Variants in KDM5A observed in about 807,000 individuals in gnomAD.
KDM5A encodes lysine-specific demethylase 5A.
KDM5A carries 42 observed loss-of-function variants against 193.5 expected under a neutral mutation model. The observed-to-expected ratio is 0.22, with a 90% CI of 0.17 to 0.28. KDM5A has a LOEUF of 0.28. Ranked by LOEUF, KDM5A falls within the 10% of genes least tolerant of loss-of-function variation. The pLI is 1.00. For synonymous variants in KDM5A, 796 were observed against 718.1 expected (o/e 1.11, Z -1.73); for missense variants, 1,692 against 2,055.1 (o/e 0.82, Z 3.42).
Position 282,021 on chromosome 12 carries a change from T to C in KDM5A, c.*3435A>G, listed in dbSNP as rs563457185. 174 of 301,792 alleles carry C rather than the reference T, an allele frequency of 5.8e-4. 1 individual carries two copies. The Admixed American group carries it at 8.0e-3, about 14-fold the overall frequency. The allele number at this position is 301,792 out of a possible 1,614,324, so 18.7% of individuals were successfully genotyped here. ...CAGAAGCAAAGCCCAGGCAGAACCA[T>C]GCTAACCTTACAGCTCAGCCTGCAC... On this transcript the variant is annotated 3_prime_UTR_variant, in exon 28 of 28. Transcript: ENST00000399788.
chr12:314,477 G>A (rs1477592168), intron 19 of KDM5A, among the ~76,000 whole-genome samples: 1 of 152,130 alleles, frequency 6.6e-6, no homozygotes, highest in Non-Finnish European at 1.5e-5. Flanking sequence ...TTACAGGCGT[G>A]AGCCACTGTG....
rs187633461 is a variant in KDM5A at position 329,582 on chromosome 12, A to C, written c.1774-553T>G. 3.9e-3 allele frequency among the ~76,000 whole-genome samples: 590 copies of C among 152,230 alleles called. 3 individuals are homozygous for C. The highest frequency in any genetic ancestry group is 6.1e-3 in the Non-Finnish European group (418 of 67,994). On this transcript the variant is annotated intron_variant, in intron 13 of 27. Coordinates refer to ENST00000399788, the MANE Select transcript of KDM5A (RefSeq NM_001042603.3). The stretch of plus-strand genomic sequence containing the variant: ...GTTTTTTTTGCAAAAACCAAAACAA[A>C]GGACAATTTAGATTTTAGCATCTAG...
intron 20 of KDM5A, among the ~76,000 whole-genome samples, chr12:311,734 T>C (rs1943588440): frequency 6.7e-6 from 1 of 148,238 alleles, no homozygotes; most frequent in East Asian, 2.1e-4. Flanking sequence ...GAAAAGAAAG[T>C]AAAAGAGAAG....
At chr12:331,676 T>TA (rs1943868292) in intron 13 of KDM5A, 143 bp downstream of exon 13, 2 of 807,256 alleles carry the variant, frequency 2.5e-6, no homozygotes, top group East Asian at 5.0e-5. Context: ...CTTAGCTTTC[T>TA]AAACTACAAT....
intron 10 of KDM5A, among the ~76,000 whole-genome samples, chr12:344,105 A>G (rs1047675685): frequency 6.6e-6 from 1 of 152,234 alleles, no homozygotes; most frequent in Non-Finnish European, 1.5e-5. Flanking sequence ...TGGGACGAGA[A>G]CTTCATTACA....
At chr12:305,563 T>C (rs1943493617) in intron 24 of KDM5A, among the ~76,000 whole-genome samples, 2 of 152,214 alleles carry the variant, frequency 1.3e-5, no homozygotes, top group South Asian at 4.1e-4. Context: ...AGCAGCCTTT[T>C]GTATCAGAGT....
rs74055611 is a variant in KDM5A, at chr12:280,618, G to A, written c.*4838C>T. The A allele has an allele frequency of 0.029, 6,822 of 233,048 alleles. 418 individuals are homozygous for A. The highest frequency in any genetic ancestry group is 0.13 in the African/African-American group (6,070 of 45,384). 14.4% of individuals were successfully genotyped at this position (233,048 alleles called of 1,614,324 possible). ...TGGGATCCTTGGCAATGGGGAAAAG[G>A]TGCCATTTGCTTCTCTGAAGTAACT... On this transcript the variant is annotated 3_prime_UTR_variant, in exon 28 of 28. Transcript: ENST00000399788.
chr12:300,069 C>T (rs1463831798), intron 24 of KDM5A, among the ~76,000 whole-genome samples: 1 of 152,018 alleles, frequency 6.6e-6, no homozygotes, highest in Non-Finnish European at 1.5e-5. Context: ...GAGACTCAGA[C>T]TCCCACACAA....
intron 24 of KDM5A, among the ~76,000 whole-genome samples, chr12:302,905 CAT>C (rs1441413969): frequency 1.4e-4 from 21 of 152,298 alleles, no homozygotes; most frequent in Middle Eastern, 6.8e-3. Flanking sequence ...AGCCAACAAA[CAT>C]ATGAAAAAAT....
At chr12:374,573 A>G (rs1389135373) in intron 3 of KDM5A, among the ~76,000 whole-genome samples, 1 of 152,160 alleles carries the variant, frequency 6.6e-6, no homozygotes, top group African/African-American at 2.4e-5. Context: ...GCCCATTTAC[A>G]TTTAAGGTTA....
intron 5 of KDM5A, among the ~76,000 whole-genome samples, chr12:360,803 C>T (rs1249308682): frequency 2.0e-5 from 3 of 152,044 alleles, no homozygotes; most frequent in Non-Finnish European, 4.4e-5. Context: ...GACTTAAATA[C>T]ATATTGGGAG....
chr12:375,983 T>G (rs976806211), intron 3 of KDM5A, among the ~76,000 whole-genome samples: 1 of 152,248 alleles, frequency 6.6e-6, no homozygotes, highest in Non-Finnish European at 1.5e-5. Flanking sequence ...GTGTCAAGGC[T>G]GCCCCTACGA....
Position 355,177 on chromosome 12 carries a change from C to T in KDM5A, c.851G>A (p.Gly284Asp), listed in dbSNP as rs765003909. ...AFNMQMRQRK[G>D]TLSVNFVDLY... ...ACTTACAAAGTTAACAGAGAGAGTG[C>T]CTTTCCGTTGTCTCATTTGCATGTT... Residue 284 changes from glycine to aspartate, a missense_variant, in exon 7 of 28, where the codon GGC becomes GAC. Gly to Asp is a moderately conservative substitution (Grantham distance 94). This residue lies in a region of KDM5A where 134 missense variants were observed against 124.2 expected (regional missense o/e 1.08). Coordinates refer to ENST00000399788, the MANE Select transcript of KDM5A (RefSeq NM_001042603.3). 7 of 1,606,404 alleles carry T rather than the reference C, an allele frequency of 4.4e-6. No homozygotes were observed. In the East Asian group the frequency reaches 1.6e-4, roughly 36 times the overall value.
At chr12:306,893 T>C in intron 24 of KDM5A, 53 bp downstream of exon 24, 1 of 1,546,132 alleles carries the variant, frequency 6.5e-7, no homozygotes, top group Admixed American at 1.7e-5. Context: ...TTTTTTTTTT[T>C]AAACAAACCC....
intron 22 of KDM5A, among the ~76,000 whole-genome samples, chr12:308,735 C>T (rs1215771321): frequency 6.6e-6 from 1 of 152,220 alleles, no homozygotes; most frequent in African/African-American, 2.4e-5. Flanking sequence ...ACTTGTTAGG[C>T]AGGCTCTCTA....
chr12:293,002 A>G lies in KDM5A; in HGVS notation c.4623T>C (p.Gly1541=), dbSNP rs1943319656. 1 of 1,591,912 alleles carries G rather than the reference A, an allele frequency of 6.3e-7. No homozygotes were observed. ...DKPRKKKLKL[G]ADKSKELNKL... ...TATTCAGCTCCTTTGATTTGTCTGC[A>G]CCTAATTTTAATTTCTTCTTTCTAG... Residue 1541 remains glycine (G), a synonymous_variant, in exon 27 of 28, where the codon GGT becomes GGC. Transcript: ENST00000399788.
At chr12:319,505 CT>C (rs1943690531) in intron 18 of KDM5A, among the ~76,000 whole-genome samples, 1 of 152,178 alleles carries the variant, frequency 6.6e-6, no homozygotes, top group Admixed American at 6.5e-5. Context: ...AATTCCAGCA[CT>C]TTGGGAGGCC....
chr12:388,692 A>G (rs1944680937), intron 1 of KDM5A, among the ~76,000 whole-genome samples: 1 of 152,218 alleles, frequency 6.6e-6, no homozygotes, highest in African/African-American at 2.4e-5. Context: ...AGAGAAAAGT[A>G]TCAGTTCCCA....
chr12:366,628 C>T (rs6489454), intron 3 of KDM5A, among the ~76,000 whole-genome samples: 107,031 of 152,006 alleles, frequency 0.7, 37,883 homozygotes, highest in Middle Eastern at 0.78. Flanking sequence ...TATGGAAGAT[C>T]ATAAAGGAAC....
Sources: gnomAD v4.1 joint callset for allele counts (sites outside exome capture counted in the v4.1 genomes callset) on GRCh38, gnomAD v4.1.1 for gene constraint, gnomAD v4.1.1 regional missense constraint, MANE v1.5 for transcripts, NCBI Gene and HGNC (gene_info 2026-07-23, HGNC 2026-07-21) for gene names.